Variants in FRAS1 observed in about 807,000 individuals in gnomAD.
The protein encoded by FRAS1 is extracellular matrix organizing protein FRAS1.
Under a neutral mutation model 435.2 loss-of-function variants are expected in FRAS1, and 290 were observed. That is an observed-to-expected ratio of 0.67 (90% CI 0.61 to 0.73). The LOEUF is 0.73. FRAS1 is among the 30% of genes least tolerant of loss of function. The probability of loss-of-function intolerance (pLI) is 0.00; values close to 1 mark genes in which losing one functional copy is unlikely to be tolerated. For synonymous variants in FRAS1, 1,800 were observed against 1,851.0 expected, an observed-to-expected ratio of 0.97 and a Z score of 0.71; for missense variants, 4,860 against 5,001.5, an observed-to-expected ratio of 0.97 and a Z score of 0.85.
intron 71 of FRAS1, among the ~76,000 whole-genome samples, chr4:78,535,534 A>C (rs1578379371): frequency 6.6e-6 from 1 of 152,000 alleles, no homozygotes; most frequent in Non-Finnish European, 1.5e-5. Flanking sequence ...ACCATCCTCT[A>C]TGTGCCCCAA....
At chr4:78,262,945 G>A (rs1726183342) in intron 6 of FRAS1, among the ~76,000 whole-genome samples, 1 of 152,100 alleles carries the variant, frequency 6.6e-6, no homozygotes, top group African/African-American at 2.4e-5. Flanking sequence ...CACAAAACCA[G>A]CCATAGACAA....
At chr4:78,438,019 C>CTTTTTTTTTTTTTTTTTTTTTT (rs1553960035) in intron 38 of FRAS1, among the ~76,000 whole-genome samples, 5 of 150,162 alleles carry the variant, frequency 3.3e-5, no homozygotes, top group East Asian at 2.0e-4. Flanking sequence ...TTCATACATT[C>CTTTTTTTTTTTTTTTTTTTTTT]TTTTGTTAAT....
chr4:78,374,969 T>C (rs1175530368), intron 25 of FRAS1, among the ~76,000 whole-genome samples: 2 of 152,188 alleles, frequency 1.3e-5, no homozygotes, highest in African/African-American at 2.4e-5. Flanking sequence ...GACTTAAAAG[T>C]GTTAATCACA....
At chr4:78,248,544 G>A (rs1339356383) in intron 4 of FRAS1, among the ~76,000 whole-genome samples, 1 of 152,136 alleles carries the variant, frequency 6.6e-6, no homozygotes, top group African/African-American at 2.4e-5. Flanking sequence ...TGCTCACTTT[G>A]TTTGTGAGGC....
intron 2 of FRAS1, among the ~76,000 whole-genome samples, chr4:78,137,929 C>T (rs1405945361): frequency 6.6e-6 from 1 of 152,182 alleles, no homozygotes; most frequent in Non-Finnish European, 1.5e-5. Context: ...AGTGCAGTGC[C>T]TGGCACATAC....
chr4:78,312,013 A>G (rs574734163), intron 15 of FRAS1, among the ~76,000 whole-genome samples: 2 of 152,138 alleles, frequency 1.3e-5, no homozygotes, highest in African/African-American at 4.8e-5. Flanking sequence ...TTAACTTTGA[A>G]TATAATGCCT....
chr4:78,162,364 T>G (rs1417070475), intron 2 of FRAS1, among the ~76,000 whole-genome samples: 1 of 152,136 alleles, frequency 6.6e-6, no homozygotes, highest in Admixed American at 6.6e-5. Context: ...CCAAAAAAAT[T>G]TGGTTTTAAG....
At chr4:78,113,485 A>G (rs1407023033) in intron 2 of FRAS1, among the ~76,000 whole-genome samples, 6 of 152,028 alleles carry the variant, frequency 3.9e-5, no homozygotes, top group Non-Finnish European at 5.9e-5. Flanking sequence ...CCTCTCCAGC[A>G]CCTGTTGTTT....
At chr4:78,253,289 C>T (rs1578208309) in intron 5 of FRAS1, among the ~76,000 whole-genome samples, 1 of 152,172 alleles carries the variant, frequency 6.6e-6, no homozygotes, top group Non-Finnish European at 1.5e-5. Context: ...CCCTGATTAT[C>T]TTCCCTTATT....
intron 38 of FRAS1, among the ~76,000 whole-genome samples, chr4:78,434,411 C>T (rs1435885335): frequency 1.3e-5 from 2 of 152,116 alleles, no homozygotes; most frequent in African/African-American, 4.8e-5. Context: ...CATTGTGACC[C>T]TTAGCAAGTT....
At chr4:78,137,245 A>G (rs1719958667) in intron 2 of FRAS1, among the ~76,000 whole-genome samples, 1 of 152,168 alleles carries the variant, frequency 6.6e-6, no homozygotes, top group South Asian at 2.1e-4. Flanking sequence ...CAGCTCCTAC[A>G]TGATCATAGT....
At chr4:78,498,535 T>G (rs1039960787) in intron 60 of FRAS1, among the ~76,000 whole-genome samples, 1 of 150,980 alleles carries the variant, frequency 6.6e-6, no homozygotes, top group African/African-American at 2.4e-5. Flanking sequence ...AGATTTATGC[T>G]GTGCTGCAGT....
At chr4:78,157,602 C>T (rs1281666450) in intron 2 of FRAS1, among the ~76,000 whole-genome samples, 1 of 152,110 alleles carries the variant, frequency 6.6e-6, no homozygotes, top group African/African-American at 2.4e-5. Context: ...TTGTTGGCTG[C>T]TTGTATGTCT....
chr4:78,261,047 C>T (rs1005868369), intron 6 of FRAS1, among the ~76,000 whole-genome samples: 1 of 151,992 alleles, frequency 6.6e-6, no homozygotes, highest in Non-Finnish European at 1.5e-5. Context: ...GATTGCTCCT[C>T]TCTGTTTCCT....
intron 2 of FRAS1, among the ~76,000 whole-genome samples, chr4:78,171,818 A>C (rs1436058443): frequency 6.6e-6 from 1 of 151,860 alleles, no homozygotes; most frequent in Non-Finnish European, 1.5e-5. Context: ...CTCACATAAT[A>C]CTGTGGCTCC....
intron 6 of FRAS1, among the ~76,000 whole-genome samples, chr4:78,258,138 C>G (rs113161033): frequency 6.6e-6 from 1 of 151,844 alleles, no homozygotes; most frequent in Non-Finnish European, 1.5e-5. Flanking sequence ...CCCAGGAGTT[C>G]GAGACCATCC....
intron 47 of FRAS1, among the ~76,000 whole-genome samples, chr4:78,456,974 C>T (rs901375693): frequency 6.6e-6 from 1 of 152,180 alleles, no homozygotes; most frequent in African/African-American, 2.4e-5. Context: ...TCTCACCCCA[C>T]GTGCTTCATT....
chr4:78,115,481 C>T (rs1419833255), intron 2 of FRAS1, among the ~76,000 whole-genome samples: 2 of 152,100 alleles, frequency 1.3e-5, no homozygotes, highest in Non-Finnish European at 2.9e-5. Flanking sequence ...GGTTGGTAAG[C>T]TATTAATTAT....
chr4:78,379,748 T>C lies in FRAS1; in HGVS notation c.3315T>C (p.Leu1105=). ...TCSGKIHTPS[L]HVNGSLILPI... ...CAGGCAAAATACACACCCCTAGTCT[T>C]CATGTGAATGGTTCCCTGATCCTCC... The change falls in exon 27 of 74, where the codon CTT becomes CTC. Residue 1105 remains leucine (L), a synonymous_variant. Coordinates refer to ENST00000512123, the MANE Select transcript of FRAS1 (RefSeq NM_025074.7). 4.3e-6 allele frequency: 7 copies of C among 1,613,626 alleles called. No homozygotes were observed. The highest frequency in any genetic ancestry group is 5.9e-6 in the Non-Finnish European group (7 of 1,179,782).
Sources: allele counts gnomAD v4.1 joint callset (sites outside exome capture counted in the v4.1 genomes callset), GRCh38; gene constraint gnomAD v4.1.1; transcripts MANE v1.5; gene names NCBI Gene and HGNC (gene_info 2026-07-23, HGNC 2026-07-21).